Variants in FKBP5 observed in about 807,000 individuals in gnomAD.
The protein encoded by FKBP5 is peptidyl-prolyl cis-trans isomerase FKBP5.
Under a neutral mutation model 50.5 loss-of-function variants are expected in FKBP5, and 23 were observed. The observed-to-expected ratio is 0.46, with a 90% CI of 0.33 to 0.65. The LOEUF (loss-of-function observed/expected upper bound fraction) is 0.65. FKBP5 is among the 30% of genes least tolerant of loss of function. FKBP5 has a pLI of 0.02. For synonymous variants in FKBP5, 176 were observed against 190.6 expected (o/e 0.92, Z 0.63); for missense variants, 411 against 553.1 (o/e 0.74, Z 2.58).
At chr6:35,664,037 A>G (rs1288559288) in intron 1 of FKBP5, among the ~76,000 whole-genome samples, 1 of 152,170 alleles carries the variant, frequency 6.6e-6, no homozygotes, top group African/African-American at 2.4e-5. Context: ...CCTGCACTCT[A>G]ACTATTTTAC....
At chr6:35,623,658 C>T (rs1191142274) in intron 3 of FKBP5, among the ~76,000 whole-genome samples, 2 of 151,758 alleles carry the variant, frequency 1.3e-5, no homozygotes, top group Non-Finnish European at 2.9e-5. Context: ...CAGCCTCAAC[C>T]TCCCAGGCTC....
chr6:35,689,815 G>A (rs1765949036), upstream of FKBP5, among the ~76,000 whole-genome samples: 1 of 152,006 alleles, frequency 6.6e-6, no homozygotes, highest in East Asian at 1.9e-4. Flanking sequence ...CCAGCCTGGT[G>A]ACAGAGCAAG....
rs1242360880 is a variant in FKBP5, at chr6:35,590,815, GA to G, written c.756+314del. Reference sequence around the variant, plus strand: ...GTGAACCTTTCTGTCCTCAACCCAGGAAAAAAAAAGTACAAAAAGAACAAGT... The same window carrying G: ...GTGAACCTTTCTGTCCTCAACCCAGGAAAAAAAAGTACAAAAAGAACAAGT... On this transcript the variant is annotated intron_variant, in intron 7 of 10. Transcript: ENST00000357266. Among the ~76,000 whole-genome samples, 146 of 139,988 alleles carry G rather than the reference GA, an allele frequency of 1.0e-3. 1 individual carries two copies. The highest frequency in any genetic ancestry group is 3.7e-3 in the African/African-American group (140 of 37,552). 91.8% of individuals were successfully genotyped at this position (139,988 alleles called of 152,430 possible).
Position 35,577,168 on chromosome 6 carries a change from C to CA in FKBP5, c.1091dup (p.Met364IlefsTer5). ...CACCCTTGGCTGACTCAAACTCGTTCATGAGCAGCTGGGCTTCACCCCTCC... is the reference window on the plus strand; with the variant it reads ...CACCCTTGGCTGACTCAAACTCGTTCAATGAGCAGCTGGGCTTCACCCCTCC... On this transcript the variant is annotated frameshift_variant, in exon 10 of 11. Coordinates refer to ENST00000357266, the MANE Select transcript of FKBP5 (RefSeq NM_004117.4). LOFTEE classifies it high-confidence loss of function. 6.8e-6 allele frequency: 11 copies of CA among 1,614,158 alleles called. No individual in the cohort carries two copies. The highest frequency in any genetic ancestry group is 6.8e-6 in the Non-Finnish European group (8 of 1,180,000).
chr6:35,607,414 G>C (rs190595682), intron 5 of FKBP5, among the ~76,000 whole-genome samples: 2 of 151,448 alleles, frequency 1.3e-5, no homozygotes, highest in Non-Finnish European at 2.9e-5. Flanking sequence ...ATGTTGCCCA[G>C]TTTGGTCTTA....
Position 35,591,159 on chromosome 6 carries a change from A to AT in FKBP5, c.726dup (p.Tyr243IlefsTer2), listed in dbSNP as rs1215573766. The stretch of plus-strand genomic sequence containing the variant: ...TCGAAGCTCTTAAGTGTAACTTCAT[A>AT]TATAAGCTCAGCATTAGGTTCAATG... On this transcript the variant is annotated frameshift_variant, in exon 7 of 11. Coordinates refer to ENST00000357266, the MANE Select transcript of FKBP5 (RefSeq NM_004117.4). LOFTEE classifies it high-confidence loss of function. 1 of 1,613,108 alleles carries AT rather than the reference A, an allele frequency of 6.2e-7. No homozygotes were observed. Among genetic ancestry groups the AT allele is most frequent in the Admixed American group, 1.7e-5 (1 of 59,938 alleles).
chr6:35,633,318 G>A (rs1023773634), intron 3 of FKBP5, among the ~76,000 whole-genome samples: 22 of 152,114 alleles, frequency 1.4e-4, no homozygotes, highest in Non-Finnish European at 1.6e-4. Flanking sequence ...TAAGGCAGGC[G>A]GATCACCTGA....
chr6:35,656,890 C>A (rs547246010), intron 1 of FKBP5, among the ~76,000 whole-genome samples: 6 of 94,510 alleles, frequency 6.3e-5, no homozygotes, highest in Non-Finnish European at 8.1e-5. Context: ...AGCAAGACTC[C>A]GTCTCAAAAA....
intron 1 of FKBP5, among the ~76,000 whole-genome samples, chr6:35,685,665 C>G (rs1371723674): frequency 2.6e-5 from 4 of 152,080 alleles, no homozygotes; most frequent in African/African-American, 7.2e-5. Flanking sequence ...ATGCCGGGTA[C>G]AGCAAGCATA....
chr6:35,654,852 C>A (rs577488280), intron 1 of FKBP5, among the ~76,000 whole-genome samples: 142 of 152,294 alleles, frequency 9.3e-4, no homozygotes, highest in African/African-American at 3.3e-3. Context: ...AGACAAGAGA[C>A]CCCTTAGCTC....
chr6:35,624,632 C>T (rs982016288), intron 3 of FKBP5, among the ~76,000 whole-genome samples: 5 of 152,138 alleles, frequency 3.3e-5, no homozygotes, highest in Non-Finnish European at 5.9e-5. Context: ...TCTCACTCTA[C>T]TCTAGTTGGC....
At chr6:35,595,177 CAACA>C (rs1296429063) in intron 6 of FKBP5, among the ~76,000 whole-genome samples, 2 of 152,172 alleles carry the variant, frequency 1.3e-5, no homozygotes, top group Non-Finnish European at 2.9e-5. Context: ...ACTAATGATA[CAACA>C]AACAGTTTAA....
chr6:35,585,290 C>A, intron 8 of FKBP5: 2 of 981,396 alleles, frequency 2.0e-6, no homozygotes, highest in Non-Finnish European at 2.4e-6. Flanking sequence ...ACATTTTTCC[C>A]TCTAGTGTAT....
rs1763748694 is a variant in FKBP5 at position 35,619,130 on chromosome 6, T to A, written c.474A>T (p.Gly158=). 2 of 1,613,674 alleles carry A rather than the reference T, an allele frequency of 1.2e-6. No homozygotes were observed. The highest frequency in any genetic ancestry group is 2.7e-5 in the African/African-American group (2 of 74,916). ...TTGCTCCTTCGTTTGGATTTGAATA[T>A]CCCTCTCCTTTCCGTTTGGTTCTCC... ...IIRRTKRKGE[G]YSNPNEGATV... Residue 158 remains glycine (G), a synonymous_variant, in exon 5 of 11, where the codon GGA becomes GGT. Transcript: ENST00000357266.
At chr6:35,682,679 C>T (rs1278093257) in intron 1 of FKBP5, among the ~76,000 whole-genome samples, 3 of 152,108 alleles carry the variant, frequency 2.0e-5, no homozygotes, top group Non-Finnish European at 2.9e-5. Flanking sequence ...CTCTTCCAGT[C>T]TGATTTTTCT....
chr6:35,620,760 G>A (rs1763808161), intron 3 of FKBP5, among the ~76,000 whole-genome samples: 5 of 151,882 alleles, frequency 3.3e-5, no homozygotes, highest in Admixed American at 3.3e-4. Context: ...GTCTCAAAAA[G>A]GATTCCCTGC....
At position 35,684,763 on chromosome 6, in the gene FKBP5, G is replaced by A. The variant is rs191908833; in HGVS notation, c.-20+4041C>T. ...ATAAGTCGGCCTGGCACTGTGGCTC[G>A]CACTTATAATCCCAGCACTTTGGGA... is the stretch of plus-strand genomic sequence containing the variant. On this transcript the variant is annotated intron_variant, in intron 1 of 10. Transcript: ENST00000357266. Among the ~76,000 whole-genome samples, 451 of 152,126 alleles carry A rather than the reference G, an allele frequency of 3.0e-3. 4 individuals carry two copies. Among genetic ancestry groups the A allele is most frequent in the Middle Eastern group, 0.01 (3 of 294 alleles).
intron 1 of FKBP5, among the ~76,000 whole-genome samples, chr6:35,664,259 T>C (rs1765154896): frequency 6.6e-6 from 1 of 152,184 alleles, no homozygotes; most frequent in Admixed American, 6.5e-5. Context: ...GTACAAAGTA[T>C]CTGGACTTTT....
At chr6:35,712,341 T>G (rs1199766601) in intron 2 of FKBP5, among the ~76,000 whole-genome samples, 1 of 152,160 alleles carries the variant, frequency 6.6e-6, no homozygotes, top group Non-Finnish European at 1.5e-5. Flanking sequence ...GTTTGTTTGT[T>G]TCCATTTTAC....
Sources: gnomAD v4.1 joint callset for allele counts (sites outside exome capture counted in the v4.1 genomes callset) on GRCh38, gnomAD v4.1.1 for gene constraint, MANE v1.5 for transcripts, NCBI Gene and HGNC (gene_info 2026-07-23, HGNC 2026-07-21) for gene names.